Variants in SIPA1L1 observed in about 807,000 individuals in gnomAD.
The protein encoded by SIPA1L1 is signal-induced proliferation-associated 1-like protein 1.
SIPA1L1 carries 26 observed loss-of-function variants against 162.7 expected under a neutral mutation model. That is an observed-to-expected ratio of 0.16 (90% CI 0.12 to 0.22). The LOEUF (loss-of-function observed/expected upper bound fraction) is 0.22. SIPA1L1 is among the 10% of genes least tolerant of loss of function. SIPA1L1 has a pLI of 1.00. For synonymous variants in SIPA1L1, 829 were observed against 837.4 expected (o/e 0.99, Z 0.17); for missense variants, 1,874 against 2,241.0 (o/e 0.84, Z 3.31).
chr14:71,588,852 G>A lies in SIPA1L1; in HGVS notation c.980G>A (p.Cys327Tyr). The change falls in exon 5 of 24, where the codon TGT becomes TAT. Residue 327 changes from cysteine (C) to tyrosine (Y), a missense_variant. Cys to Tyr is a radical substitution (Grantham distance 194). Coordinates refer to ENST00000381232, the MANE Select transcript of SIPA1L1 (RefSeq NM_001386936.1). This position sits in a 1 kb window ranked among gnomAD's most constrained non-coding sequence, Gnocchi z 4.3. ...GAAGACTCTGTCAGGCCCTGGACAT[G>A]TCCAAAGTGCTTTGCCCACTATGAT... ...RSEDSVRPWT[C>Y]PKCFAHYDVQ... 6.2e-7 allele frequency: 1 copy of A among 1,614,116 alleles called. No individual in the cohort carries two copies. The highest frequency in any genetic ancestry group is 1.7e-5 in the Admixed American group (1 of 60,014).
At position 71,675,801 on chromosome 14, in the gene SIPA1L1, G is replaced by A. The variant is rs143969351; in HGVS notation, c.3104+3179G>A. On this transcript the variant is annotated intron_variant, in intron 12 of 23. Coordinates refer to ENST00000381232, the MANE Select transcript of SIPA1L1 (RefSeq NM_001386936.1). ...GCCTGGTGGTTCTTAGGGTCGCCAG[G>A]ACCCAGAGAGGGACACAAGCAAGGG... 2.3e-3 allele frequency among the ~76,000 whole-genome samples: 352 copies of A among 152,246 alleles called. 1 individual carries two copies. The highest frequency in any genetic ancestry group is 8.1e-3 in the African/African-American group (337 of 41,554).
At chr14:71,459,458 C>CAG (rs142623080) in intron 2 of SIPA1L1, among the ~76,000 whole-genome samples, 3,438 of 148,138 alleles carry the variant, frequency 0.023, 118 homozygotes, top group African/African-American at 0.077. Context: ...TCTATCCATC[C>CAG]AGAGAGAGAG....
intron 19 of SIPA1L1, among the ~76,000 whole-genome samples, chr14:71,725,891 T>C (rs1481623091): frequency 2.6e-5 from 4 of 152,184 alleles, no homozygotes; most frequent in Admixed American, 2.0e-4. Flanking sequence ...ACCTTGAGAA[T>C]TGAATTGATT....
Position 71,589,187 on chromosome 14 carries a change from T to G in SIPA1L1, c.1315T>G (p.Phe439Val). 2 of 1,614,122 alleles carry G rather than the reference T, an allele frequency of 1.2e-6. No individual in the cohort carries two copies. Among genetic ancestry groups the G allele is most frequent in the African/African-American group, 2.7e-5 (2 of 75,058 alleles). The stretch of plus-strand genomic sequence containing the variant: ...CCTTTCAAAATCAAATTCTGGCTCC[T>G]TTAGTGGATGTGAAAGTGCCTCCTT... ...ISLSKSNSGS[F>V]SGCESASFES... The change falls in exon 5 of 24, where the codon TTT becomes GTT. Residue 439 changes from phenylalanine to valine, a missense_variant. Phe to Val is a conservative substitution (Grantham distance 50). Around this residue, in one of 5 missense-constraint regions of SIPA1L1, gnomAD observed 685 missense variants for 828.0 expected, o/e 0.83. Transcript: ENST00000381232.
intron 2 of SIPA1L1, among the ~76,000 whole-genome samples, chr14:71,354,186 C>CTTG (rs2140686377): frequency 6.6e-6 from 1 of 151,906 alleles, no homozygotes; most frequent in East Asian, 1.9e-4. Flanking sequence ...TATCCTTAAT[C>CTTG]TTGCAATAAG....
intron 17 of SIPA1L1, among the ~76,000 whole-genome samples, chr14:71,711,744 G>A (rs1056183190): frequency 6.6e-6 from 1 of 152,198 alleles, no homozygotes; most frequent in African/African-American, 2.4e-5. Flanking sequence ...CTGCCTGAAG[G>A]CCTCAAAGGA....
chr14:71,548,848 G>T (rs902560717), intron 4 of SIPA1L1, among the ~76,000 whole-genome samples: 2 of 147,820 alleles, frequency 1.4e-5, no homozygotes, highest in Non-Finnish European at 3.0e-5. Context: ...CAATGAGCTG[G>T]GATGGCTCCA....
chr14:71,622,737 C>T (rs1335521895), intron 6 of SIPA1L1, among the ~76,000 whole-genome samples: 1 of 152,014 alleles, frequency 6.6e-6, no homozygotes, highest in Non-Finnish European at 1.5e-5. Flanking sequence ...CCTCCAGTTG[C>T]TTCCTCTCAC....
At chr14:71,609,757 G>A (rs2037981742) in intron 5 of SIPA1L1, among the ~76,000 whole-genome samples, 2 of 151,882 alleles carry the variant, frequency 1.3e-5, no homozygotes, top group Non-Finnish European at 2.9e-5. Flanking sequence ...ATGAGCCACC[G>A]CGCCTGGCCA....
At chr14:71,480,271 G>A (rs1760726791) in intron 2 of SIPA1L1, among the ~76,000 whole-genome samples, 1 of 151,322 alleles carries the variant, frequency 6.6e-6, no homozygotes, top group East Asian at 2.0e-4. Context: ...TTTTAGTAGA[G>A]ACGGGTTTTT....
At chr14:71,665,839 A>G (rs576893585) in intron 10 of SIPA1L1, among the ~76,000 whole-genome samples, 62 of 152,350 alleles carry the variant, frequency 4.1e-4, no homozygotes, top group African/African-American at 1.5e-3. Context: ...GCACAGTAAT[A>G]TATTAACAGT....
chr14:71,588,746 G>A lies in SIPA1L1; in HGVS notation c.874G>A (p.Asp292Asn). 2 of 1,614,046 alleles carry A rather than the reference G, an allele frequency of 1.2e-6. No individual in the cohort carries two copies. Among genetic ancestry groups the A allele is most frequent in the East Asian group, 2.2e-5 (1 of 44,858 alleles). ...GCGACGTTCAAAATCTGAAACTGGA[G>A]ACTCATCTATTTTTCGTAAATTGCG... ...LKRRSKSETG[D>N]SSIFRKLRNA... is the part of the protein sequence containing the mutation. The change falls in exon 5 of 24, where the codon GAC becomes AAC. Residue 292 changes from aspartate (D) to asparagine (N), a missense_variant. Asp to Asn is a conservative substitution (Grantham distance 23). Around this residue, in one of 5 missense-constraint regions of SIPA1L1, gnomAD observed 685 missense variants for 828.0 expected, o/e 0.83. Coordinates refer to ENST00000381232, the MANE Select transcript of SIPA1L1 (RefSeq NM_001386936.1). The surrounding 1 kb of genome is among the most constrained non-coding windows in gnomAD (Gnocchi z 4.3).
intron 4 of SIPA1L1, among the ~76,000 whole-genome samples, chr14:71,548,194 T>C (rs1011401411): frequency 6.6e-6 from 1 of 152,222 alleles, no homozygotes; most frequent in African/African-American, 2.4e-5. Flanking sequence ...GAATTATGTA[T>C]TTCTTTCAGG....
At chr14:71,676,960 G>A (rs991366745) in intron 12 of SIPA1L1, among the ~76,000 whole-genome samples, 7 of 152,160 alleles carry the variant, frequency 4.6e-5, no homozygotes, top group Non-Finnish European at 8.8e-5. Context: ...CTTTATAGCA[G>A]CATGATTTAT....
At chr14:71,421,770 G>T (rs1224670491) in intron 2 of SIPA1L1, among the ~76,000 whole-genome samples, 3 of 151,968 alleles carry the variant, frequency 2.0e-5, no homozygotes, top group Admixed American at 1.3e-4. Context: ...CAATTACCTG[G>T]ATTGAAAGTC....
chr14:71,653,548 A>C (rs753585520), intron 8 of SIPA1L1, among the ~76,000 whole-genome samples: 1 of 152,104 alleles, frequency 6.6e-6, no homozygotes, highest in Non-Finnish European at 1.5e-5. Context: ...CTCTGTGTCA[A>C]CTGTCCCACA....
At chr14:71,359,388 TATTAGCAGC>T (rs1245180794) in intron 2 of SIPA1L1, among the ~76,000 whole-genome samples, 1 of 152,212 alleles carries the variant, frequency 6.6e-6, no homozygotes, top group Non-Finnish European at 1.5e-5. Flanking sequence ...GGTATGTCAT[TATTAGCAGC>T]ATGAGAACAG....
intron 23 of SIPA1L1, 75 bp downstream of exon 23, chr14:71,738,400 A>G: frequency 2.0e-6 from 2 of 1,004,054 alleles, no homozygotes; most frequent in Non-Finnish European, 3.1e-6. Context: ...CTTTCTAAGT[A>G]GCATGGTAAA....
chr14:71,439,043 G>C (rs2044630899), intron 2 of SIPA1L1, among the ~76,000 whole-genome samples: 1 of 152,066 alleles, frequency 6.6e-6, no homozygotes, highest in Non-Finnish European at 1.5e-5. Context: ...TAGCTGAAGA[G>C]AGCCTTTCCA....
Sources: gnomAD v4.1 joint callset for allele counts (sites outside exome capture counted in the v4.1 genomes callset) on GRCh38, gnomAD v4.1.1 for gene constraint, gnomAD v4.1.1 regional missense constraint, Gnocchi (gnomAD v3.1) non-coding constraint, MANE v1.5 for transcripts, NCBI Gene and HGNC (gene_info 2026-07-23, HGNC 2026-07-21) for gene names.